The following CACNA2D4 variants were observed in gnomAD, a reference collection of about 807,000 sequenced individuals.
CACNA2D4 encodes voltage-dependent calcium channel subunit alpha-2/delta-4.
A neutral mutation model predicts 163.8 loss-of-function variants in CACNA2D4; 157 were observed. The observed-to-expected ratio is 0.96, with a 90% CI of 0.84 to 1.09. The LOEUF (loss-of-function observed/expected upper bound fraction) is 1.09, where lower values mean the gene tolerates loss of function less well. Ranked by LOEUF, CACNA2D4 falls within the 50% of genes least tolerant of loss-of-function variation. The pLI is 0.00. For missense variants in CACNA2D4, 1,410 were observed against 1,479.9 expected (o/e 0.95, Z 0.78); for synonymous variants, 598 against 586.9 (o/e 1.02, Z -0.27).
chr12:1,796,581 A>G (rs1863134418), intron 35 of CACNA2D4, among the ~76,000 whole-genome samples: 1 of 152,232 alleles, frequency 6.6e-6, no homozygotes, highest in South Asian at 2.1e-4. Flanking sequence ...ACAAGTGCAC[A>G]GGGAACGCTA....
intron 6 of CACNA2D4, among the ~76,000 whole-genome samples, chr12:1,906,416 A>G (rs1592748264): frequency 1.3e-5 from 2 of 152,250 alleles, no homozygotes; most frequent in South Asian, 2.1e-4. Flanking sequence ...TGCAAATCAC[A>G]TATCTGATAA....
chr12:1,804,164 TCC>T (rs981914782), intron 29 of CACNA2D4, among the ~76,000 whole-genome samples: 3 of 143,432 alleles, frequency 2.1e-5, no homozygotes, highest in African/African-American at 7.7e-5. Context: ...TGTGTGTGTG[TCC>T]CCTCCGTCAC....
chr12:1,906,510 C>T (rs1326218542), intron 6 of CACNA2D4, among the ~76,000 whole-genome samples: 3 of 152,154 alleles, frequency 2.0e-5, no homozygotes, highest in Non-Finnish European at 4.4e-5. Flanking sequence ...GAGAAATGGC[C>T]TCTCTCTACT....
Position 1,834,771 on chromosome 12 carries a change from A to G in CACNA2D4, c.2551+5968T>C, listed in dbSNP as rs1864784257. 6.5e-7 allele frequency: 1 copy of G among 1,528,350 alleles called. No individual in the cohort carries two copies. Among genetic ancestry groups the G allele is most frequent in the African/African-American group, 1.4e-5 (1 of 73,000 alleles). The allele number at this position is 1,528,350 out of a possible 1,614,324, so 94.7% of individuals were successfully genotyped here. ...AGGAAGGGCGGGGAGAGCACACGGC[A>G]TTGCTCAGCCACAGCTCCCACCTTG... On this transcript the variant is annotated intron_variant, in intron 26 of 37. Transcript: ENST00000382722. This position sits in a 1 kb window ranked among gnomAD's most constrained non-coding sequence, Gnocchi z 7.6.
rs553620421 is a variant in CACNA2D4, at chr12:1,801,643, G to T, written c.2723C>A (p.Thr908Lys). Residue 908 changes from threonine (T) to lysine (K), a missense_variant and splice_region_variant, in exon 30 of 38, where the codon ACG (threonine) becomes AAG (lysine). By Grantham distance (78) the Thr-to-Lys change is moderately conservative. Coordinates refer to ENST00000382722, the MANE Select transcript of CACNA2D4 (RefSeq NM_172364.5). The part of the protein sequence containing the change: ...FILISKRSRE[T>K]GRFLGEVDGA... ...ATCCACCTCCCCCAGAAATCTTCCCGTCTGTGAGAGAGGGACAGCAGAGAG... is the reference window on the plus strand; with the variant it reads ...ATCCACCTCCCCCAGAAATCTTCCCTTCTGTGAGAGAGGGACAGCAGAGAG... The T allele has an allele frequency of 1.6e-5, 25 of 1,580,208 alleles. No homozygotes were observed. The South Asian group carries it at 2.5e-4, about 16-fold the overall frequency.
In CACNA2D4 at chr12:1,885,145, T is replaced by A. The variant is rs973383966; in HGVS notation, c.1069-69A>T. On this transcript the variant is annotated intron_variant, in intron 9 of 37. Coordinates refer to ENST00000382722, the MANE Select transcript of CACNA2D4 (RefSeq NM_172364.5). ...GGCCAGTGGAGCTTCATGTTTGGTG[T>A]TAATTTGGGAGGCTGTTTAGGGCCA... The A allele has an allele frequency of 2.2e-6, 3 of 1,355,036 alleles. No individual in the cohort carries two copies. In the African/African-American group the frequency reaches 4.3e-5, roughly 19 times the overall value. The allele number at this position is 1,355,036 out of a possible 1,614,324, so 83.9% of individuals were successfully genotyped here.
At position 1,802,986 on chromosome 12, in the gene CACNA2D4, T is replaced by C. The variant is rs1026722508; in HGVS notation, c.2722-1342A>G. 6.6e-6 allele frequency among the ~76,000 whole-genome samples: 1 copy of C among 152,180 alleles called. No homozygotes were observed. The highest frequency in any genetic ancestry group is 1.9e-4 in the East Asian group (1 of 5,198). On this transcript the variant is annotated intron_variant, in intron 29 of 37. Transcript: ENST00000382722. This position sits in a 1 kb window ranked among gnomAD's most constrained non-coding sequence, Gnocchi z 4.7. ...CTGGACATACTCAGTCAGTGTGGAA[T>C]GTTGATAGGGAAGGGAGGTGGGAAC...
At chr12:1,907,091 C>T (rs1474514469) in intron 6 of CACNA2D4, among the ~76,000 whole-genome samples, 1 of 152,238 alleles carries the variant, frequency 6.6e-6, no homozygotes, top group Non-Finnish European at 1.5e-5. Flanking sequence ...GCGAGTGCGC[C>T]TCATTTTTCC....
intron 18 of CACNA2D4, among the ~76,000 whole-genome samples, chr12:1,862,971 T>C (rs572533507): frequency 6.6e-6 from 1 of 152,364 alleles, no homozygotes; most frequent in East Asian, 1.9e-4. Context: ...TCATGTTTAG[T>C]GCTTTCTGTG....
At chr12:1,852,824 G>C (rs1865314680) in intron 23 of CACNA2D4, among the ~76,000 whole-genome samples, 1 of 152,174 alleles carries the variant, frequency 6.6e-6, no homozygotes, top group African/African-American at 2.4e-5. Context: ...GCTGCCTGCT[G>C]TTGATTCCAG....
intron 1 of CACNA2D4, among the ~76,000 whole-genome samples, chr12:1,915,856 A>G (rs905503288): frequency 3.3e-5 from 5 of 152,178 alleles, no homozygotes; most frequent in African/African-American, 9.7e-5. Flanking sequence ...AGCAGTCATC[A>G]CTCAACCAAT....
intron 26 of CACNA2D4, chr12:1,831,412 TGAC>T (rs1204365462): frequency 6.2e-7 from 1 of 1,614,146 alleles, no homozygotes; most frequent in South Asian, 1.1e-5. Context: ...CTGGACCGGC[TGAC>T]ATTTGAACCC....
chr12:1,863,486 C>T (rs756862840), intron 18 of CACNA2D4, among the ~76,000 whole-genome samples: 7 of 152,114 alleles, frequency 4.6e-5, no homozygotes, highest in Non-Finnish European at 7.4e-5. Flanking sequence ...GATCGGATTG[C>T]GTTGAATCTA....
At position 1,801,117 on chromosome 12, in the gene CACNA2D4, C is replaced by T. The variant is rs556558705; in HGVS notation, c.2794G>A (p.Val932Met). 1.2e-6 allele frequency: 2 copies of T among 1,613,874 alleles called. No homozygotes were observed. Among genetic ancestry groups the T allele is most frequent in the East Asian group, 2.2e-5 (1 of 44,884 alleles). ...QLLSMGVFSQ[V>M]TMYDYQAMCK... ...ATGGCCTGATAGTCATACATAGTCA[C>T]TCTGAAAATCAGAAGCGGGCTGTGA... is the stretch of plus-strand genomic sequence containing the variant. The change falls in exon 31 of 38, where the codon GTG (valine) becomes ATG (methionine). Residue 932 changes from valine (V) to methionine (M), a missense_variant and splice_region_variant. Transcript: ENST00000382722.
chr12:1,870,570 T>G (rs1402173099), intron 18 of CACNA2D4, among the ~76,000 whole-genome samples: 1 of 152,032 alleles, frequency 6.6e-6, no homozygotes, highest in Non-Finnish European at 1.5e-5. Context: ...TTCTCTTGAT[T>G]CAAGGGTTGT....
intron 9 of CACNA2D4, among the ~76,000 whole-genome samples, chr12:1,885,724 C>T (rs1214177889): frequency 6.6e-6 from 1 of 152,166 alleles, no homozygotes; most frequent in African/African-American, 2.4e-5. Flanking sequence ...AAAAACCAGT[C>T]CTGAATAAGG....
chr12:1,864,870 G>C lies in CACNA2D4; in HGVS notation c.1879-4664C>G, dbSNP rs76657028. Among the ~76,000 whole-genome samples, 1,501 of 152,340 alleles carry C rather than the reference G, an allele frequency of 9.9e-3. 7 individuals are homozygous for C. The highest frequency in any genetic ancestry group is 0.017 in the Non-Finnish European group (1,133 of 68,030). Reference sequence around the variant, plus strand: ...GGCAGCTTTAAAAGTGGGGTCTCTGGGGTCAGGAAGAGTCGTATTCAGCTG... The same window carrying C: ...GGCAGCTTTAAAAGTGGGGTCTCTGCGGTCAGGAAGAGTCGTATTCAGCTG... On this transcript the variant is annotated intron_variant, in intron 18 of 37. Coordinates refer to ENST00000382722, the MANE Select transcript of CACNA2D4 (RefSeq NM_172364.5).
chr12:1,796,819 G>T (rs568686270), intron 35 of CACNA2D4, among the ~76,000 whole-genome samples: 190 of 152,288 alleles, frequency 1.2e-3, no homozygotes, highest in Non-Finnish European at 2.2e-3. Context: ...CCGGGCTTGG[G>T]TGCGGGGGGT....
At chr12:1,880,519 G>C (rs1002781466) in intron 13 of CACNA2D4, among the ~76,000 whole-genome samples, 1 of 152,236 alleles carries the variant, frequency 6.6e-6, no homozygotes, top group Admixed American at 6.5e-5. Flanking sequence ...TCGCCGTGCC[G>C]GCTCCTCCAG....
Sources: allele counts gnomAD v4.1 joint callset (sites outside exome capture counted in the v4.1 genomes callset), GRCh38; gene constraint gnomAD v4.1.1; non-coding constraint Gnocchi (gnomAD v3.1); transcripts MANE v1.5; gene names NCBI Gene and HGNC (gene_info 2026-07-23, HGNC 2026-07-21).